The following NTM variants were observed in gnomAD, a reference collection of about 807,000 sequenced individuals.
NTM encodes IgLON family member 2.
A neutral mutation model predicts 42.1 loss-of-function variants in NTM; 13 were observed. The observed-to-expected ratio is 0.31, with a 90% CI of 0.20 to 0.49. The LOEUF is 0.49. Ranked by LOEUF, NTM falls within the 20% of genes least tolerant of loss-of-function variation. NTM has a pLI of 0.99. For synonymous variants in NTM, 187 were observed against 179.2 expected (o/e 1.04, Z -0.35); for missense variants, 373 against 452.8 (o/e 0.82, Z 1.60).
chr11:132,314,498 A>G (rs2095370792), intron 6 of NTM, 54 bp from the exon 7 acceptor site: 3 of 1,556,562 alleles, frequency 1.9e-6, no homozygotes, highest in East Asian at 2.3e-5. Context: ...TCTTCTTCCT[A>G]TGAGGACACA....
intron 1 of NTM, among the ~76,000 whole-genome samples, chr11:131,890,712 T>C (rs2137490190): frequency 6.6e-6 from 1 of 152,294 alleles, no homozygotes; most frequent in South Asian, 2.1e-4. Context: ...AACGAGCTCC[T>C]CGTGAAAAGC....
chr11:132,213,508 G>T (rs1031353118), intron 4 of NTM, among the ~76,000 whole-genome samples: 2 of 151,968 alleles, frequency 1.3e-5, no homozygotes, highest in African/African-American at 2.4e-5. Flanking sequence ...ACCAGCAGCC[G>T]GTCCTTCTGT....
At position 132,093,810 on chromosome 11, in the gene NTM, A is replaced by G. The variant is rs79062931; in HGVS notation, c.168-52472A>G. Among the ~76,000 whole-genome samples, 58 of 152,324 alleles carry G rather than the reference A, an allele frequency of 3.8e-4. No individual in the cohort carries two copies. The East Asian group carries it at 4.6e-3, about 12-fold the overall frequency. On this transcript the variant is annotated intron_variant, in intron 2 of 8. Coordinates refer to ENST00000683400, the MANE Select transcript of NTM (RefSeq NM_001352005.2). ...ACTAGTACTACTCTTGGGTTAGGGT[A>G]GATTCTCAAAAATATTGTAGATTCT...
intron 1 of NTM, among the ~76,000 whole-genome samples, chr11:131,555,720 T>C (rs2136950507): frequency 6.6e-6 from 1 of 152,292 alleles, no homozygotes; most frequent in Middle Eastern, 3.4e-3. Context: ...CAGGCAGGAA[T>C]GGCCCAGCTC....
At chr11:131,542,946 A>G (rs1325798671) in intron 1 of NTM, among the ~76,000 whole-genome samples, 1 of 152,168 alleles carries the variant, frequency 6.6e-6, no homozygotes, top group Non-Finnish European at 1.5e-5. Flanking sequence ...AGTGATTCCC[A>G]AAACAATCCA....
chr11:132,296,956 A>AT lies in NTM; in HGVS notation c.527-10726dup, dbSNP rs552732597. Among the ~76,000 whole-genome samples, 47 of 152,212 alleles carry AT rather than the reference A, an allele frequency of 3.1e-4. No individual in the cohort carries two copies. The South Asian group carries it at 3.9e-3, about 13-fold the overall frequency. ...TTTTGAGAAATGTTTATAAAGACTC[A>AT]TTTTTTTCCAGTCAAAGGCTTTAAT... On this transcript the variant is annotated intron_variant, in intron 4 of 8. Transcript: ENST00000683400.
chr11:131,735,140 G>C (rs907202220), intron 1 of NTM, among the ~76,000 whole-genome samples: 9 of 152,190 alleles, frequency 5.9e-5, no homozygotes, highest in East Asian at 1.9e-4. Flanking sequence ...CAAGGCGGAG[G>C]GGGGAAAGAT....
chr11:131,626,197 A>G (rs1326443573), intron 1 of NTM, among the ~76,000 whole-genome samples: 4 of 152,202 alleles, frequency 2.6e-5, no homozygotes, highest in Admixed American at 1.3e-4. Context: ...TCAAACACAC[A>G]TGGAGAATAT....
At chr11:131,765,693 C>T (rs753601345) in intron 1 of NTM, among the ~76,000 whole-genome samples, 11 of 152,168 alleles carry the variant, frequency 7.2e-5, no homozygotes, top group South Asian at 2.1e-4. Context: ...GGCCAGGCAC[C>T]GGGCCCGGCT....
intron 2 of NTM, among the ~76,000 whole-genome samples, chr11:131,973,047 G>C (rs184593052): frequency 6.6e-6 from 1 of 152,274 alleles, no homozygotes; most frequent in Admixed American, 6.5e-5. Flanking sequence ...GAAAAGATTC[G>C]TTCTTTAGGA....
intron 4 of NTM, among the ~76,000 whole-genome samples, chr11:132,231,044 T>C (rs1357517735): frequency 6.6e-6 from 1 of 152,236 alleles, no homozygotes; most frequent in African/African-American, 2.4e-5. Context: ...GCTCAATAAG[T>C]GTCAGAGTGG....
chr11:132,118,359 A>G (rs2064202465), intron 2 of NTM, among the ~76,000 whole-genome samples: 1 of 152,206 alleles, frequency 6.6e-6, no homozygotes, highest in African/African-American at 2.4e-5. Flanking sequence ...GTAATCAACA[A>G]TTTGAGAGGG....
intron 2 of NTM, among the ~76,000 whole-genome samples, chr11:131,934,007 A>G (rs2058938097): frequency 6.6e-6 from 1 of 152,186 alleles, no homozygotes; most frequent in Non-Finnish European, 1.5e-5. Context: ...CTTTATGACC[A>G]GCGTGTGGCT....
At chr11:131,862,025 G>A (rs891136161) in intron 1 of NTM, among the ~76,000 whole-genome samples, 1 of 152,136 alleles carries the variant, frequency 6.6e-6, no homozygotes, top group Admixed American at 6.5e-5. Flanking sequence ...GCGGTCTCAA[G>A]GACCACAGTT....
chr11:131,526,265 C>A (rs977153045), intron 1 of NTM, among the ~76,000 whole-genome samples: 3 of 152,214 alleles, frequency 2.0e-5, no homozygotes, highest in Admixed American at 1.3e-4. Context: ...AAGACAGTCA[C>A]CCTAAATTGA....
chr11:131,712,007 A>G (rs1362651572), intron 1 of NTM, among the ~76,000 whole-genome samples: 1 of 147,022 alleles, frequency 6.8e-6, no homozygotes, highest in Non-Finnish European at 1.5e-5. Flanking sequence ...GGGGAGGGAT[A>G]GCATTAGGAG....
intron 1 of NTM, among the ~76,000 whole-genome samples, chr11:131,476,391 C>T (rs1034843868): frequency 6.6e-6 from 1 of 152,216 alleles, no homozygotes; most frequent in African/African-American, 2.4e-5. Flanking sequence ...TGTGGCCATG[C>T]TTAGGATTGG....
At chr11:131,388,143 A>C (rs1035986297) in intron 1 of NTM, among the ~76,000 whole-genome samples, 5 of 152,232 alleles carry the variant, frequency 3.3e-5, no homozygotes, top group African/African-American at 4.8e-5. Flanking sequence ...AAGCAGCAGC[A>C]TGGACCCTGC....
intron 2 of NTM, among the ~76,000 whole-genome samples, chr11:132,066,926 G>A (rs921373661): frequency 6.6e-6 from 1 of 151,822 alleles, no homozygotes; most frequent in Non-Finnish European, 1.5e-5. Context: ...ACAGATTCCA[G>A]GGATTAGGAT....
Sources: allele counts gnomAD v4.1 joint callset (sites outside exome capture counted in the v4.1 genomes callset), GRCh38; gene constraint gnomAD v4.1.1; transcripts MANE v1.5; gene names NCBI Gene and HGNC (gene_info 2026-07-23, HGNC 2026-07-21).